Variants in FSBP observed in about 807,000 individuals in gnomAD.
The protein encoded by FSBP is fibrinogen silencer binding protein.
A neutral mutation model predicts 24.6 loss-of-function variants in FSBP; 18 were observed. That is an observed-to-expected ratio of 0.73 (90% CI 0.51 to 1.08). The LOEUF (loss-of-function observed/expected upper bound fraction) is 1.08, where lower values mean the gene tolerates loss of function less well. FSBP is among the 50% of genes least tolerant of loss of function. The probability of loss-of-function intolerance (pLI) is 0.00; values close to 1 mark genes in which losing one functional copy is unlikely to be tolerated. For synonymous variants in FSBP, 110 were observed against 125.8 expected (o/e 0.87, Z 0.84); for missense variants, 305 against 347.6 (o/e 0.88, Z 0.98).
At position 94,431,413 on chromosome 8, in the gene FSBP, C is replaced by A. The variant is rs1812089838; in HGVS notation, c.*718G>T. On this transcript the variant is annotated 3_prime_UTR_variant, in exon 2 of 2. Transcript: ENST00000481490. ...TATCCTGATTTCACAACCTAACAAT[C>A]TTTAAAGGCAATTTTAATGAAAGAA... 1 of 983,880 alleles carries A rather than the reference C, an allele frequency of 1.0e-6. No individual in the cohort carries two copies. The highest frequency in any genetic ancestry group is 1.7e-5 in the African/African-American group (1 of 57,306). 60.9% of individuals were successfully genotyped at this position (983,880 alleles called of 1,614,324 possible).
chr8:94,428,129 G>T lies in FSBP; in HGVS notation c.*4002C>A. ...ATTACATTCATATGGATAAGAGAAAGATAGGAAAGTGGCTATCCACTATCT... is the reference window on the plus strand; with the variant it reads ...ATTACATTCATATGGATAAGAGAAATATAGGAAAGTGGCTATCCACTATCT... On this transcript the variant is annotated 3_prime_UTR_variant, in exon 2 of 2. Coordinates refer to ENST00000481490, the MANE Select transcript of FSBP (RefSeq NM_001256141.2). The T allele has an allele frequency of 1.1e-6, 1 of 898,302 alleles. No individual in the cohort carries two copies. Among genetic ancestry groups the T allele is most frequent in the Non-Finnish European group, 1.3e-6 (1 of 750,808 alleles). The allele number at this position is 898,302 out of a possible 1,614,324, so 55.6% of individuals were successfully genotyped here.
chr8:94,428,915 C>A lies in FSBP; in HGVS notation c.*3216G>T. On this transcript the variant is annotated 3_prime_UTR_variant, in exon 2 of 2. Transcript: ENST00000481490. Reference sequence around the variant, plus strand: ...CTAAGATACTCTGTAAGATAATAAACAGCCTCGGAAAAGGATTCTATGGTC... The same window carrying A: ...CTAAGATACTCTGTAAGATAATAAAAAGCCTCGGAAAAGGATTCTATGGTC... 3 of 985,022 alleles carry A rather than the reference C, an allele frequency of 3.0e-6. No individual in the cohort carries two copies. The highest frequency in any genetic ancestry group is 3.6e-6 in the Non-Finnish European group (3 of 829,652). 61.0% of individuals were successfully genotyped at this position (985,022 alleles called of 1,614,324 possible). A position where few individuals can be genotyped will look rare whatever the true frequency, so the allele number is the denominator to read the frequency against.
intron 1 of FSBP, among the ~76,000 whole-genome samples, chr8:94,433,666 G>A (rs1812179266): frequency 6.6e-6 from 1 of 151,650 alleles, no homozygotes; most frequent in African/African-American, 2.4e-5. Context: ...TGTATAACGT[G>A]AAGCTGTGAA....
In FSBP at chr8:94,430,763, A is replaced by T; in HGVS notation, c.*1368T>A. 1 of 983,494 alleles carries T rather than the reference A, an allele frequency of 1.0e-6. No individual in the cohort carries two copies. The highest frequency in any genetic ancestry group is 1.2e-6 in the Non-Finnish European group (1 of 828,222). The allele number at this position is 983,494 out of a possible 1,614,324, so 60.9% of individuals were successfully genotyped here. A position where few individuals can be genotyped will look rare whatever the true frequency, so the allele number is the denominator to read the frequency against. Reference sequence around the variant, plus strand: ...TTTAAAATTGGAAGATTCCTCATTAAAAAATGCAGATTTCTGGTTTATCCC... The same window carrying T: ...TTTAAAATTGGAAGATTCCTCATTATAAAATGCAGATTTCTGGTTTATCCC... On this transcript the variant is annotated 3_prime_UTR_variant, in exon 2 of 2. Coordinates refer to ENST00000481490, the MANE Select transcript of FSBP (RefSeq NM_001256141.2).
In FSBP at chr8:94,430,262, C is replaced by T. The variant is rs1812056395; in HGVS notation, c.*1869G>A. 1 of 844,354 alleles carries T rather than the reference C, an allele frequency of 1.2e-6. No homozygotes were observed. The highest frequency in any genetic ancestry group is 5.5e-5 in the South Asian group (1 of 18,344). The allele number at this position is 844,354 out of a possible 1,614,324, so 52.3% of individuals were successfully genotyped here. ...GGAAACGGAGATTGCAGTGAGCCAA[C>T]ATCGCACCACTGCACTCCAACCTAG... On this transcript the variant is annotated 3_prime_UTR_variant, in exon 2 of 2. Coordinates refer to ENST00000481490, the MANE Select transcript of FSBP (RefSeq NM_001256141.2).
In FSBP at chr8:94,430,794, G is replaced by A. The variant is rs142215704; in HGVS notation, c.*1337C>T. On this transcript the variant is annotated 3_prime_UTR_variant, in exon 2 of 2. Coordinates refer to ENST00000481490, the MANE Select transcript of FSBP (RefSeq NM_001256141.2). ...GCAGATTTCTGGTTTATCCCCGCAT[G>A]TGAAAATTCTGCTGGAGCTAAACAG... 585 of 985,432 alleles carry A rather than the reference G, an allele frequency of 5.9e-4. 3 individuals are homozygous for A. In the African/African-American group the frequency reaches 9.5e-3, roughly 16 times the overall value. The allele number at this position is 985,432 out of a possible 1,614,324, so 61.0% of individuals were successfully genotyped here. A position where few individuals can be genotyped will look rare whatever the true frequency, so the allele number is the denominator to read the frequency against.
Position 94,432,181 on chromosome 8 carries a change from G to C in FSBP, c.850C>G (p.Leu284Val), listed in dbSNP as rs1812116439. 6.5e-7 allele frequency: 1 copy of C among 1,549,898 alleles called. No homozygotes were observed. Among genetic ancestry groups the C allele is most frequent in the Non-Finnish European group, 8.7e-7 (1 of 1,146,736 alleles). Reference protein sequence around the residue: ...LLRAKIEVEKLKAIRLRHDLP... With the variant: ...LLRAKIEVEKVKAIRLRHDLP... ...TCATGCCGTAAGCGAATTGCTTTCA[G>C]CTTCTCCACTTCAATTTTTGCTCTT... Residue 284 changes from leucine (L) to valine (V), a missense_variant, in exon 2 of 2, where the codon CTG (leucine) becomes GTG (valine). Transcript: ENST00000481490.
chr8:94,436,524 G>A lies in FSBP; in HGVS notation c.345C>T (p.Cys115=), dbSNP rs1282443200. 1 of 1,549,594 alleles carries A rather than the reference G, an allele frequency of 6.5e-7. No individual in the cohort carries two copies. The highest frequency in any genetic ancestry group is 2.0e-5 in the Admixed American group (1 of 50,870). Residue 115 remains cysteine (C), a synonymous_variant, in exon 1 of 2, where the codon TGC becomes TGT. Coordinates refer to ENST00000481490, the MANE Select transcript of FSBP (RefSeq NM_001256141.2). ...MEMIPQISSF[C]LVRDRNHIQS... Reference sequence around the variant, plus strand: ...GTATGTGGTTCCTGTCTCTTACCAGGCAAAAACTGGAAATCTGGGGAATCA... The same window carrying A: ...GTATGTGGTTCCTGTCTCTTACCAGACAAAAACTGGAAATCTGGGGAATCA...
rs140184072 is a variant in FSBP at position 94,435,839 on chromosome 8, AAAC to A, written c.374+653_374+655del. On this transcript the variant is annotated intron_variant, in intron 1 of 1. Coordinates refer to ENST00000481490, the MANE Select transcript of FSBP (RefSeq NM_001256141.2). ...GTGAAACTAGACTATTAAGGAATAAAAACAACAACAACAAAAAACTTTTAATTT... is the reference window on the plus strand; with the variant it reads ...GTGAAACTAGACTATTAAGGAATAAAAACAACAACAAAAAACTTTTAATTT... Among the ~76,000 whole-genome samples, 1,013 of 152,180 alleles carry A rather than the reference AAAC, an allele frequency of 6.7e-3. 14 individuals carry two copies. The highest frequency in any genetic ancestry group is 0.023 in the African/African-American group (957 of 41,530).
Position 94,429,122 on chromosome 8 carries a change from AAG to A in FSBP, c.*3007_*3008del. The A allele has an allele frequency of 1.0e-6, 1 of 984,990 alleles. No homozygotes were observed. The allele number at this position is 984,990 out of a possible 1,614,324, so 61.0% of individuals were successfully genotyped here. A position where few individuals can be genotyped will look rare whatever the true frequency, so the allele number is the denominator to read the frequency against. On this transcript the variant is annotated 3_prime_UTR_variant, in exon 2 of 2. Transcript: ENST00000481490. ...TGGAAAAGTTGCTGCAGTAAACTCAAAGAGTGTGATTCTGGTGTTTAAAAATA... is the reference window on the plus strand; with the variant it reads ...TGGAAAAGTTGCTGCAGTAAACTCAAAGTGTGATTCTGGTGTTTAAAAATA...
rs1360886781 is a variant in FSBP, at chr8:94,429,927, G to A, written c.*2204C>T. The A allele has an allele frequency of 2.0e-6, 2 of 985,012 alleles. No individual in the cohort carries two copies. Among genetic ancestry groups the A allele is most frequent in the African/African-American group, 3.5e-5 (2 of 57,128 alleles). The allele number at this position is 985,012 out of a possible 1,614,324, so 61.0% of individuals were successfully genotyped here. ...TCCAATACAATGCCTGTCCCTAAAT[G>A]CCACTCCTCCTAAATCACAACTATA... On this transcript the variant is annotated 3_prime_UTR_variant, in exon 2 of 2. Coordinates refer to ENST00000481490, the MANE Select transcript of FSBP (RefSeq NM_001256141.2).
rs1005828999 is a variant in FSBP at position 94,431,054 on chromosome 8, T to TA, written c.*1076dup. 1 of 985,300 alleles carries TA rather than the reference T, an allele frequency of 1.0e-6. No individual in the cohort carries two copies. Among genetic ancestry groups the TA allele is most frequent in the Non-Finnish European group, 1.2e-6 (1 of 829,946 alleles). 61.0% of individuals were successfully genotyped at this position (985,300 alleles called of 1,614,324 possible). ...ACCCACCCCATTCTACAACTTGGCT[T>TA]AAAAATCCCTTCTCAACAAAACCCC... On this transcript the variant is annotated 3_prime_UTR_variant, in exon 2 of 2. Coordinates refer to ENST00000481490, the MANE Select transcript of FSBP (RefSeq NM_001256141.2).
rs1812067727 is a variant in FSBP at position 94,430,614 on chromosome 8, C to T, written c.*1517G>A. 5.0e-6 allele frequency: 3 copies of T among 604,006 alleles called. No homozygotes were observed. In the African/African-American group the frequency reaches 6.1e-5, roughly 12 times the overall value. 37.4% of individuals were successfully genotyped at this position (604,006 alleles called of 1,614,324 possible). ...TGATGCTGATGCTGCTGGTCAGGACCCATACTTGGAAAACCATTGGTCTAC... is the reference window on the plus strand; with the variant it reads ...TGATGCTGATGCTGCTGGTCAGGACTCATACTTGGAAAACCATTGGTCTAC... On this transcript the variant is annotated 3_prime_UTR_variant, in exon 2 of 2. Coordinates refer to ENST00000481490, the MANE Select transcript of FSBP (RefSeq NM_001256141.2).
Position 94,431,921 on chromosome 8 carries a change from A to G in FSBP, c.*210T>C. 8.1e-7 allele frequency: 1 copy of G among 1,233,320 alleles called. No homozygotes were observed. The highest frequency in any genetic ancestry group is 1.6e-5 in the African/African-American group (1 of 63,768). The allele number at this position is 1,233,320 out of a possible 1,614,324, so 76.4% of individuals were successfully genotyped here. A position where few individuals can be genotyped will look rare whatever the true frequency, so the allele number is the denominator to read the frequency against. ...AACAATTAAACTTAGGGAAAAAAAA[A>G]AGAAGACAATAAAAACTATAACCAT... On this transcript the variant is annotated 3_prime_UTR_variant, in exon 2 of 2. Transcript: ENST00000481490.
rs1812003823 is a variant in FSBP, at chr8:94,428,647, ACT to A, written c.*3482_*3483del. ...ATTTCGTATTACTTTTTATTGTTGT[ACT>A]GTTATTTATTTTTCTGCCTGAATAT... On this transcript the variant is annotated 3_prime_UTR_variant, in exon 2 of 2. Transcript: ENST00000481490. 1.4e-6 allele frequency: 1 copy of A among 708,530 alleles called. No individual in the cohort carries two copies. The highest frequency in any genetic ancestry group is 1.7e-6 in the Non-Finnish European group (1 of 577,658). 43.9% of individuals were successfully genotyped at this position (708,530 alleles called of 1,614,324 possible).
chr8:94,436,438 A>C lies in FSBP; in HGVS notation c.374+57T>G, dbSNP rs1490585621. The C allele has an allele frequency of 1.6e-5, 23 of 1,468,540 alleles. No individual in the cohort carries two copies. In the Admixed American group the frequency reaches 6.0e-4, roughly 38 times the overall value. 91.0% of individuals were successfully genotyped at this position (1,468,540 alleles called of 1,614,324 possible). Reference sequence around the variant, plus strand: ...GCATATCTCTATCACGACTAAGCCAAAGCCCAATAGATAGGAGGCGCCATA... The same window carrying C: ...GCATATCTCTATCACGACTAAGCCACAGCCCAATAGATAGGAGGCGCCATA... On this transcript the variant is annotated intron_variant, in intron 1 of 1. Coordinates refer to ENST00000481490, the MANE Select transcript of FSBP (RefSeq NM_001256141.2).
Position 94,430,258 on chromosome 8 carries a change from C to T in FSBP, c.*1873G>A. ...CCCAGGAAACGGAGATTGCAGTGAG[C>T]CAACATCGCACCACTGCACTCCAAC... is the stretch of plus-strand genomic sequence containing the variant. On this transcript the variant is annotated 3_prime_UTR_variant, in exon 2 of 2. Transcript: ENST00000481490. 1 of 835,914 alleles carries T rather than the reference C, an allele frequency of 1.2e-6. No homozygotes were observed. Among genetic ancestry groups the T allele is most frequent in the Non-Finnish European group, 1.4e-6 (1 of 694,866 alleles). 51.8% of individuals were successfully genotyped at this position (835,914 alleles called of 1,614,324 possible). A position where few individuals can be genotyped will look rare whatever the true frequency, so the allele number is the denominator to read the frequency against.
At position 94,436,834 on chromosome 8, in the gene FSBP, A is replaced by G. The variant is rs1385711940; in HGVS notation, c.35T>C (p.Leu12Ser). Residue 12 changes from leucine (L) to serine (S), a missense_variant, in exon 1 of 2, where the codon TTA (leucine) becomes TCA (serine). By Grantham distance (145) the Leu-to-Ser change is moderately radical. Coordinates refer to ENST00000481490, the MANE Select transcript of FSBP (RefSeq NM_001256141.2). ...VGKARSSNFTLSEKLDLLKLV... is the reference protein window; with the variant it reads ...VGKARSSNFTSSEKLDLLKLV... ...CTTTAGCAAATCAAGCTTTTCGGATAAGGTAAAATTGGAAGATCTAGCCTT... is the reference window on the plus strand; with the variant it reads ...CTTTAGCAAATCAAGCTTTTCGGATGAGGTAAAATTGGAAGATCTAGCCTT... The G allele has an allele frequency of 6.5e-7, 1 of 1,542,968 alleles. No homozygotes were observed. Among genetic ancestry groups the G allele is most frequent in the Non-Finnish European group, 8.7e-7 (1 of 1,144,414 alleles).
At chr8:94,433,972 G>A (rs1472801302) in intron 1 of FSBP, among the ~76,000 whole-genome samples, 1 of 151,558 alleles carries the variant, frequency 6.6e-6, no homozygotes, top group Non-Finnish European at 1.5e-5. Flanking sequence ...TTATCTAAGA[G>A]ACAAAATGAA....
Sources: allele counts gnomAD v4.1 joint callset (sites outside exome capture counted in the v4.1 genomes callset), GRCh38; gene constraint gnomAD v4.1.1; transcripts MANE v1.5; gene names NCBI Gene and HGNC (gene_info 2026-07-23, HGNC 2026-07-21).